Variants in MNAT1 observed in about 807,000 individuals in gnomAD.
MNAT1 encodes MNAT1 component of CDK activating kinase, also known as CDK-activating kinase assembly factor MAT1.
MNAT1 carries 43 observed loss-of-function variants against 42.0 expected under a neutral mutation model. The observed-to-expected ratio is 1.02, with a 90% CI of 0.80 to 1.32. MNAT1 has a LOEUF of 1.32. Among genes scored for constraint, MNAT1 ranks in the 40% most tolerant of loss-of-function variants. The pLI, the probability that MNAT1 is intolerant of heterozygous loss-of-function variation, is 0.00. For missense variants in MNAT1, 306 were observed against 350.4 expected (o/e 0.87, Z 1.01); for synonymous variants, 118 against 120.0 (o/e 0.98, Z 0.11).
At chr14:60,919,162 C>T (rs745626662) in intron 7 of MNAT1, 1 of 152,004 alleles carries the variant, frequency 6.6e-6, no homozygotes, top group Non-Finnish European at 1.5e-5. Context: ...AGGTCTGGCT[C>T]AGAGCTGGAG....
intron 1 of MNAT1, among the ~76,000 whole-genome samples, chr14:60,747,652 A>T (rs1326881883): frequency 1.3e-5 from 2 of 152,228 alleles, no homozygotes; most frequent in African/African-American, 4.8e-5. Flanking sequence ...GTTAAGGCCT[A>T]GGATATTACT....
intron 1 of MNAT1, among the ~76,000 whole-genome samples, chr14:60,783,712 G>C (rs1230016998): frequency 6.6e-6 from 1 of 152,088 alleles, no homozygotes; most frequent in Non-Finnish European, 1.5e-5. Context: ...TAGCCAGGAC[G>C]GTCTCGATCT....
chr14:60,788,343 A>G (rs1325412790), intron 1 of MNAT1, among the ~76,000 whole-genome samples: 3 of 152,210 alleles, frequency 2.0e-5, no homozygotes, highest in African/African-American at 7.2e-5. Flanking sequence ...ATGCGCCATC[A>G]TTCAGGCTTT....
intron 7 of MNAT1, among the ~76,000 whole-genome samples, chr14:60,947,970 A>G (rs1187470303): frequency 2.0e-5 from 3 of 152,226 alleles, no homozygotes; most frequent in Non-Finnish European, 2.9e-5. Flanking sequence ...TAAGGCCTGT[A>G]GAGCTGTAGC....
intron 6 of MNAT1, among the ~76,000 whole-genome samples, chr14:60,855,889 C>T (rs1294140203): frequency 1.3e-5 from 2 of 152,154 alleles, no homozygotes; most frequent in African/African-American, 2.4e-5. Flanking sequence ...GAAACTTAAT[C>T]GATAAATGTT....
intron 7 of MNAT1, among the ~76,000 whole-genome samples, chr14:60,889,349 G>A (rs2034773648): frequency 6.6e-6 from 1 of 152,102 alleles, no homozygotes; most frequent in Non-Finnish European, 1.5e-5. Flanking sequence ...AAGCAATGGG[G>A]AAAGGATTCC....
At chr14:60,862,810 T>G (rs2034127089) in intron 6 of MNAT1, among the ~76,000 whole-genome samples, 1 of 152,200 alleles carries the variant, frequency 6.6e-6, no homozygotes. Flanking sequence ...GTTTTAAGGA[T>G]CTTCAGGATA....
chr14:60,813,827 A>C lies in MNAT1; in HGVS notation c.561+1700A>C, dbSNP rs574122201. 5.9e-5 allele frequency among the ~76,000 whole-genome samples: 9 copies of C among 152,322 alleles called. No homozygotes were observed. In the South Asian group the frequency reaches 1.9e-3, roughly 32 times the overall value. On this transcript the variant is annotated intron_variant, in intron 5 of 7. Transcript: ENST00000261245. Reference sequence around the variant, plus strand: ...ATTTATTTATATCATGCCAACTACTATGAAGGATTTAAAGTGATTTCCTAG... The same window carrying C: ...ATTTATTTATATCATGCCAACTACTCTGAAGGATTTAAAGTGATTTCCTAG...
At chr14:60,860,029 G>T (rs1161520740) in intron 6 of MNAT1, among the ~76,000 whole-genome samples, 1 of 152,124 alleles carries the variant, frequency 6.6e-6, no homozygotes, top group Admixed American at 6.5e-5. Context: ...TGTTCCCAGG[G>T]CCTGAGACTA....
At chr14:60,881,288 G>A (rs1298724386) in intron 7 of MNAT1, among the ~76,000 whole-genome samples, 1 of 152,096 alleles carries the variant, frequency 6.6e-6, no homozygotes, top group Admixed American at 6.6e-5. Flanking sequence ...GGGTTCAAGT[G>A]ATTCTCATGC....
intron 3 of MNAT1, among the ~76,000 whole-genome samples, chr14:60,807,039 A>G (rs1189515114): frequency 1.3e-5 from 2 of 152,188 alleles, no homozygotes; most frequent in Admixed American, 1.3e-4. Context: ...AGAAGTTGCT[A>G]GAGGATAATT....
intron 6 of MNAT1, among the ~76,000 whole-genome samples, chr14:60,877,030 A>G (rs1415605503): frequency 6.6e-6 from 1 of 152,060 alleles, no homozygotes; most frequent in South Asian, 2.1e-4. Flanking sequence ...CACAGCAGCT[A>G]TACCGTTTTA....
chr14:60,866,833 AT>A (rs1188463217), intron 6 of MNAT1, among the ~76,000 whole-genome samples: 5 of 152,006 alleles, frequency 3.3e-5, no homozygotes, highest in Admixed American at 2.6e-4. Flanking sequence ...CTATTTCCTA[AT>A]TTTTTTCCAA....
Position 60,734,960 on chromosome 14 carries a change from G to A in MNAT1, c.89+9G>A. 6.2e-7 allele frequency: 1 copy of A among 1,614,008 alleles called. No individual in the cohort carries two copies. The highest frequency in any genetic ancestry group is 8.5e-7 in the Non-Finnish European group (1 of 1,179,870). On this transcript the variant is annotated intron_variant, in intron 1 of 7. Transcript: ENST00000261245. The surrounding 1 kb of genome is among the most constrained non-coding windows in gnomAD (Gnocchi z 4.3). ...GTGTGCGGACACACTCTGTGAGTTG[G>A]GCGGCAGTGGATTCCCTGGGGGAGA...
chr14:60,795,402 A>C (rs999183493), intron 1 of MNAT1, among the ~76,000 whole-genome samples: 1 of 152,176 alleles, frequency 6.6e-6, no homozygotes, highest in South Asian at 2.1e-4. Flanking sequence ...CCAAGTCCCC[A>C]GGAATCTGGT....
chr14:60,919,205 A>G (rs976303744), intron 7 of MNAT1: 1 of 152,298 alleles, frequency 6.6e-6, no homozygotes, highest in Non-Finnish European at 1.5e-5. Flanking sequence ...CCCTGGTCCA[A>G]CGTCCTGGTT....
At chr14:60,967,617 C>T (rs965013765) in intron 7 of MNAT1, among the ~76,000 whole-genome samples, 1 of 152,062 alleles carries the variant, frequency 6.6e-6, no homozygotes, top group African/African-American at 2.4e-5. Flanking sequence ...ATCAATGAGA[C>T]TTTTCTGTAT....
intron 7 of MNAT1, among the ~76,000 whole-genome samples, chr14:60,964,678 G>A (rs932044025): frequency 6.6e-6 from 1 of 152,198 alleles, no homozygotes; most frequent in Admixed American, 6.5e-5. Context: ...ACTTTTGGAA[G>A]TAAATTTGGC....
intron 7 of MNAT1, among the ~76,000 whole-genome samples, chr14:60,896,298 TA>T (rs2034955332): frequency 6.6e-6 from 1 of 152,144 alleles, no homozygotes; most frequent in South Asian, 2.1e-4. Flanking sequence ...ATTATGGCCA[TA>T]GTGGTTAGTT....
Sources: allele counts gnomAD v4.1 joint callset (sites outside exome capture counted in the v4.1 genomes callset), GRCh38; gene constraint gnomAD v4.1.1; non-coding constraint Gnocchi (gnomAD v3.1); transcripts MANE v1.5; gene names NCBI Gene and HGNC (gene_info 2026-07-23, HGNC 2026-07-21).